Variants in DNER observed in about 807,000 individuals in gnomAD.
The protein encoded by DNER is delta and Notch-like epidermal growth factor-related receptor.
DNER carries 33 observed loss-of-function variants against 78.2 expected under a neutral mutation model. The ratio of observed to expected loss-of-function variants is 0.42; its 90% CI spans 0.32 to 0.56. DNER has a LOEUF of 0.56. Ranked by LOEUF, DNER falls within the 20% of genes least tolerant of loss-of-function variation. The pLI is 0.11. For missense variants in DNER, 918 were observed against 975.3 expected (o/e 0.94, Z 0.78); for synonymous variants, 417 against 384.8 (o/e 1.08, Z -0.98).
rs550877549 is a variant in DNER, at chr2:229,701,214, C to A, written c.276+12934G>T. On this transcript the variant is annotated intron_variant, in intron 1 of 12. Transcript: ENST00000341772. Reference sequence around the variant, plus strand: ...GTTGGATGGCTACCCTTAAAAGGACCCATGAAGATGCAAAACTATGAGCTG... The same window carrying A: ...GTTGGATGGCTACCCTTAAAAGGACACATGAAGATGCAAAACTATGAGCTG... 2.6e-5 allele frequency among the ~76,000 whole-genome samples: 4 copies of A among 152,214 alleles called. No homozygotes were observed. The East Asian group carries it at 5.8e-4, about 22-fold the overall frequency.
intron 1 of DNER, among the ~76,000 whole-genome samples, chr2:229,638,042 T>G (rs1414431691): frequency 6.6e-6 from 1 of 152,208 alleles, no homozygotes; most frequent in Non-Finnish European, 1.5e-5. Flanking sequence ...CTAATGAGGA[T>G]TTTTCTTCCT....
intron 1 of DNER, among the ~76,000 whole-genome samples, chr2:229,640,829 A>T (rs1180659324): frequency 6.6e-6 from 1 of 152,046 alleles, no homozygotes; most frequent in Non-Finnish European, 1.5e-5. Context: ...CTCTGGCAGA[A>T]CTCCAGGGTT....
At chr2:229,462,788 A>G (rs1235125584) in intron 7 of DNER, among the ~76,000 whole-genome samples, 1 of 152,046 alleles carries the variant, frequency 6.6e-6, no homozygotes, top group African/African-American at 2.4e-5. Flanking sequence ...GCAGCTCACC[A>G]GTCTTACGCC....
At chr2:229,646,756 G>A (rs1036613096) in intron 1 of DNER, among the ~76,000 whole-genome samples, 2 of 152,242 alleles carry the variant, frequency 1.3e-5, no homozygotes, top group Non-Finnish European at 2.9e-5. Context: ...GGTCCTCAGG[G>A]TCCACGGTGA....
chr2:229,627,431 A>T (rs182988546), intron 1 of DNER, among the ~76,000 whole-genome samples: 9 of 152,360 alleles, frequency 5.9e-5, no homozygotes, highest in Admixed American at 4.6e-4. Flanking sequence ...CCTAATTTTT[A>T]TAAAAGCTTA....
At chr2:229,455,333 T>C (rs16826034) in intron 7 of DNER, among the ~76,000 whole-genome samples, 15,334 of 152,088 alleles carry the variant, frequency 0.1, 1,832 homozygotes, top group African/African-American at 0.28. Flanking sequence ...TACAAAATGG[T>C]GTTGGCTCCT....
At chr2:229,440,520 C>G (rs1017797128) in intron 8 of DNER, among the ~76,000 whole-genome samples, 1 of 152,204 alleles carries the variant, frequency 6.6e-6, no homozygotes, top group African/African-American at 2.4e-5. Flanking sequence ...CTCTGCAACT[C>G]TCTTCCAATT....
At chr2:229,409,284 G>A (rs905586473) in intron 9 of DNER, among the ~76,000 whole-genome samples, 1 of 152,156 alleles carries the variant, frequency 6.6e-6, no homozygotes, top group Non-Finnish European at 1.5e-5. Context: ...GTTCCCACTG[G>A]GCTGATCAAT....
intron 1 of DNER, among the ~76,000 whole-genome samples, chr2:229,697,112 T>A (rs774197215): frequency 7.9e-5 from 12 of 152,112 alleles, no homozygotes; most frequent in Admixed American, 5.2e-4. Flanking sequence ...CATCAACAGA[T>A]GACTGGATAA....
chr2:229,564,368 CCATCAT>C (rs1324758382), intron 4 of DNER, among the ~76,000 whole-genome samples: 2 of 142,150 alleles, frequency 1.4e-5, no homozygotes, highest in East Asian at 2.4e-4. Context: ...CACCCCATCA[CCATCAT>C]CATCATCATC....
intron 6 of DNER, among the ~76,000 whole-genome samples, chr2:229,484,409 C>A (rs1458005098): frequency 6.6e-6 from 1 of 152,214 alleles, no homozygotes; most frequent in African/African-American, 2.4e-5. Flanking sequence ...TCTAGGCAGA[C>A]TGAGATCAGT....
At chr2:229,512,702 AAAACC>A (rs1161867385) in intron 6 of DNER, 76 bp downstream of exon 6, 2 of 1,553,758 alleles carry the variant, frequency 1.3e-6, no homozygotes. Flanking sequence ...CTGTTCTCCA[AAAACC>A]TTTGTAAATA....
chr2:229,539,441 A>G (rs945536173), intron 5 of DNER, among the ~76,000 whole-genome samples: 1 of 152,242 alleles, frequency 6.6e-6, no homozygotes, highest in African/African-American at 2.4e-5. Context: ...GCTGCTTAAA[A>G]TATTCCCAAA....
intron 7 of DNER, among the ~76,000 whole-genome samples, chr2:229,466,697 T>C (rs930630677): frequency 6.6e-6 from 1 of 152,214 alleles, no homozygotes; most frequent in Non-Finnish European, 1.5e-5. Flanking sequence ...GTATGTGAAT[T>C]AAGTGTTTTA....
intron 8 of DNER, among the ~76,000 whole-genome samples, chr2:229,423,436 G>A (rs1187161802): frequency 6.6e-6 from 1 of 151,946 alleles, no homozygotes; most frequent in Non-Finnish European, 1.5e-5. Context: ...TCAACATGGT[G>A]AAACCCCATC....
rs1190286071 is a variant in DNER at position 229,456,217 on chromosome 2, C to A, written c.1262-8677G>T. Among the ~76,000 whole-genome samples, 3 of 151,628 alleles carry A rather than the reference C, an allele frequency of 2.0e-5. No homozygotes were observed. The East Asian group carries it at 5.8e-4, about 29-fold the overall frequency. On this transcript the variant is annotated intron_variant, in intron 7 of 12. Transcript: ENST00000341772. Reference sequence around the variant, plus strand: ...AAGCTGGCGTATCACAGGGTGAGAGCAAGAGCAAGAGAGAAATGCAGGAGG... The same window carrying A: ...AAGCTGGCGTATCACAGGGTGAGAGAAAGAGCAAGAGAGAAATGCAGGAGG...
chr2:229,398,318 T>A (rs937740952), intron 10 of DNER, among the ~76,000 whole-genome samples: 2 of 151,950 alleles, frequency 1.3e-5, no homozygotes, highest in Non-Finnish European at 1.5e-5. Flanking sequence ...ATAAAATAGA[T>A]GATTTAAATA....
chr2:229,540,956 G>A (rs1696500845), intron 5 of DNER, among the ~76,000 whole-genome samples: 1 of 152,186 alleles, frequency 6.6e-6, no homozygotes. Flanking sequence ...TATCAACATA[G>A]GCCAGAGCCA....
intron 6 of DNER, among the ~76,000 whole-genome samples, chr2:229,482,745 G>A (rs1405724671): frequency 6.6e-6 from 1 of 152,162 alleles, no homozygotes; most frequent in Non-Finnish European, 1.5e-5. Context: ...ATAAACTTTT[G>A]GGAGTGGAAA....
Sources: gnomAD v4.1 joint callset for allele counts (sites outside exome capture counted in the v4.1 genomes callset) on GRCh38, gnomAD v4.1.1 for gene constraint, MANE v1.5 for transcripts, NCBI Gene and HGNC (gene_info 2026-07-23, HGNC 2026-07-21) for gene names.